MTX2: variants seen among roughly 807,000 people sequenced by gnomAD.
MTX2 encodes metaxin 2.
In MTX2, 35 loss-of-function variants were observed where a neutral mutation model predicts 42.3. The observed-to-expected ratio is 0.83, with a 90% CI of 0.63 to 1.10. MTX2 has a LOEUF of 1.10. MTX2 is among the 50% of genes least tolerant of loss of function. The pLI, the probability that MTX2 is intolerant of heterozygous loss-of-function variation, is 0.00. For synonymous variants in MTX2, 119 were observed against 100.9 expected (o/e 1.18, Z -1.08); for missense variants, 307 against 304.1 (o/e 1.01, Z -0.07).
chr2:176,283,848 G>GT (rs746021400), intron 1 of MTX2, among the ~76,000 whole-genome samples: 25 of 152,170 alleles, frequency 1.6e-4, no homozygotes, highest in Non-Finnish European at 3.4e-4. Flanking sequence ...TTTTGTATCT[G>GT]TTTTTTGGCC....
intron 3 of MTX2, 70 bp downstream of exon 3, chr2:176,297,965 T>C (rs1378826736): frequency 2.5e-6 from 3 of 1,213,384 alleles, no homozygotes; most frequent in South Asian, 1.8e-5. Context: ...CTTGCAGTTA[T>C]ATTTTTCCCC....
In MTX2 at chr2:176,297,727, A is replaced by G. The variant is rs1462057950; in HGVS notation, c.89-122A>G. On this transcript the variant is annotated intron_variant, in intron 2 of 9. Coordinates refer to ENST00000249442, the MANE Select transcript of MTX2 (RefSeq NM_006554.5). ...ATCAAAATTATAATTATATATTAAC[A>G]TTGATATAAAACTTTAGAATTTAGT... 3 of 436,816 alleles carry G rather than the reference A, an allele frequency of 6.9e-6. No individual in the cohort carries two copies. The Admixed American group carries it at 1.3e-4, about 19-fold the overall frequency. 27.1% of individuals were successfully genotyped at this position (436,816 alleles called of 1,614,324 possible).
intron 3 of MTX2, among the ~76,000 whole-genome samples, chr2:176,301,105 T>C (rs901687063): frequency 4.6e-5 from 7 of 152,180 alleles, no homozygotes; most frequent in African/African-American, 9.6e-5. Context: ...AAAATTAATA[T>C]TGAATGCTTT....
At position 176,282,139 on chromosome 2, in the gene MTX2, T is replaced by TTTTTTTTTTG. The variant is rs1693095337; in HGVS notation, c.40+12479_40+12480insGTTTTTTTTT. 1.4e-5 allele frequency among the ~76,000 whole-genome samples: 2 copies of TTTTTTTTTTG among 141,924 alleles called. 1 individual carries two copies. The highest frequency in any genetic ancestry group is 5.3e-5 in the African/African-American group (2 of 37,766). 93.1% of individuals were successfully genotyped at this position (141,924 alleles called of 152,430 possible). A position where few individuals can be genotyped will look rare whatever the true frequency, so the allele number is the denominator to read the frequency against. ...AGAGTTACAGTAGTTTTTTTTTTTT[T>TTTTTTTTTTG]TTTTTTTTTTTTTTTGCTGTCAGAT... is the stretch of plus-strand genomic sequence containing the variant. On this transcript the variant is annotated intron_variant, in intron 1 of 9. Transcript: ENST00000249442.
At chr2:176,323,059 T>C (rs1025550529) in intron 3 of MTX2, among the ~76,000 whole-genome samples, 5 of 151,856 alleles carry the variant, frequency 3.3e-5, no homozygotes, top group African/African-American at 1.2e-4. Context: ...TTTAGTCATC[T>C]ACTTAAGAAA....
intron 8 of MTX2, among the ~76,000 whole-genome samples, chr2:176,329,695 G>A (rs1214137975): frequency 6.7e-6 from 1 of 149,882 alleles, no homozygotes; most frequent in Non-Finnish European, 1.5e-5. Flanking sequence ...TATTTGGAGA[G>A]CCTTCTTCTA....
At chr2:176,333,349 C>T (rs538669672) in intron 9 of MTX2, among the ~76,000 whole-genome samples, 2 of 151,500 alleles carry the variant, frequency 1.3e-5, no homozygotes, top group African/African-American at 4.8e-5. Flanking sequence ...TTAAATAGTT[C>T]AGTAGAAATA....
chr2:176,312,447 TAA>T (rs1328385585), intron 3 of MTX2, among the ~76,000 whole-genome samples: 3 of 152,236 alleles, frequency 2.0e-5, no homozygotes, highest in African/African-American at 4.8e-5. Context: ...TGTATGACTC[TAA>T]AAATTATTCA....
chr2:176,314,510 T>G (rs1427697645), intron 3 of MTX2, among the ~76,000 whole-genome samples: 1 of 152,188 alleles, frequency 6.6e-6, no homozygotes, highest in Non-Finnish European at 1.5e-5. Context: ...TACATTTAGT[T>G]TCACTGATTT....
chr2:176,330,344 A>G (rs1558945393), intron 8 of MTX2, among the ~76,000 whole-genome samples: 1 of 145,106 alleles, frequency 6.9e-6, no homozygotes, highest in Non-Finnish European at 1.6e-5. Context: ...TTATATATAT[A>G]TACTTATATA....
At position 176,328,317 on chromosome 2, in the gene MTX2, G is replaced by A. The variant is rs1338903674; in HGVS notation, c.310G>A (p.Glu104Lys). The change falls in exon 6 of 10, where the codon GAG becomes AAG. Residue 104 changes from glutamate to lysine, a missense_variant. Glu to Lys is a moderately conservative substitution (Grantham distance 56). Coordinates refer to ENST00000249442, the MANE Select transcript of MTX2 (RefSeq NM_006554.5). ...GGGCCATTCTCTTAGTGATGGGCTGGAGGAAGTCCAAAAAGCAGAAATGAA... is the reference window on the plus strand; with the variant it reads ...GGGCCATTCTCTTAGTGATGGGCTGAAGGAAGTCCAAAAAGCAGAAATGAA... ...AKGHSLSDGLEEVQKAEMKAY... is the reference protein window; with the variant it reads ...AKGHSLSDGLKEVQKAEMKAY... 1.6e-5 allele frequency: 26 copies of A among 1,588,720 alleles called. No individual in the cohort carries two copies. Among genetic ancestry groups the A allele is most frequent in the Non-Finnish European group, 2.2e-5 (26 of 1,168,220 alleles).
intron 1 of MTX2, among the ~76,000 whole-genome samples, chr2:176,289,575 T>G (rs1395473170): frequency 6.6e-6 from 1 of 152,070 alleles, no homozygotes; most frequent in Non-Finnish European, 1.5e-5. Flanking sequence ...ATCTGCAGTA[T>G]AGGGATATAT....
intron 3 of MTX2, among the ~76,000 whole-genome samples, chr2:176,321,146 T>A (rs902116385): frequency 2.2e-4 from 33 of 152,194 alleles, no homozygotes; most frequent in African/African-American, 7.7e-4. Context: ...TTCTTCCTTG[T>A]TTTCAGATCC....
At chr2:176,316,641 G>A (rs1263277761) in intron 3 of MTX2, among the ~76,000 whole-genome samples, 2 of 152,164 alleles carry the variant, frequency 1.3e-5, no homozygotes, top group South Asian at 2.1e-4. Flanking sequence ...GGGCTCAAGC[G>A]ATCCACCTGC....
At chr2:176,280,647 C>T (rs1575032845) in intron 1 of MTX2, among the ~76,000 whole-genome samples, 1 of 152,296 alleles carries the variant, frequency 6.6e-6, no homozygotes, top group East Asian at 1.9e-4. Flanking sequence ...CATCGAGTTC[C>T]TTAAGGAGGC....
At chr2:176,332,052 T>C (rs578082931) in intron 9 of MTX2, among the ~76,000 whole-genome samples, 1 of 151,326 alleles carries the variant, frequency 6.6e-6, no homozygotes, top group South Asian at 2.1e-4. Flanking sequence ...TTTACACTTG[T>C]GATGAAAACT....
At chr2:176,311,443 AGACAGG>A (rs1684303841) in intron 3 of MTX2, among the ~76,000 whole-genome samples, 3 of 152,232 alleles carry the variant, frequency 2.0e-5, no homozygotes, top group African/African-American at 7.2e-5. Context: ...CAGAGCTGTC[AGACAGG>A]GACATTGAAG....
At chr2:176,289,149 T>C (rs1476409739) in intron 1 of MTX2, among the ~76,000 whole-genome samples, 1 of 152,074 alleles carries the variant, frequency 6.6e-6, no homozygotes, top group Non-Finnish European at 1.5e-5. Flanking sequence ...AGCTTAAAAA[T>C]AGGTAACTTA....
At chr2:176,331,598 A>ACATC (rs1684866206) in intron 9 of MTX2, among the ~76,000 whole-genome samples, 1 of 151,192 alleles carries the variant, frequency 6.6e-6, no homozygotes, top group East Asian at 1.9e-4. Flanking sequence ...CACAAGTAAT[A>ACATC]TATACATATA....
Sources: gnomAD v4.1 joint callset for allele counts (sites outside exome capture counted in the v4.1 genomes callset) on GRCh38, gnomAD v4.1.1 for gene constraint, MANE v1.5 for transcripts, NCBI Gene and HGNC (gene_info 2026-07-23, HGNC 2026-07-21) for gene names.